RNF170: variants seen among roughly 807,000 people sequenced by gnomAD.
The protein encoded by RNF170 is E3 ubiquitin-protein ligase RNF170.
Under a neutral mutation model 32.7 loss-of-function variants are expected in RNF170, and 12 were observed. The observed-to-expected ratio is 0.37, with a 90% CI of 0.24 to 0.60. The LOEUF (loss-of-function observed/expected upper bound fraction) is 0.60, where lower values mean the gene tolerates loss of function less well. RNF170 is among the 20% of genes least tolerant of loss of function. RNF170 has a pLI of 0.72. For missense variants in RNF170, 212 were observed against 311.2 expected, an observed-to-expected ratio of 0.68 and a Z score of 2.40; for synonymous variants, 91 against 103.6, an observed-to-expected ratio of 0.88 and a Z score of 0.74.
At chr8:42,884,079 CT>C (rs1047532164) in intron 2 of RNF170, among the ~76,000 whole-genome samples, 15 of 151,210 alleles carry the variant, frequency 9.9e-5, no homozygotes, top group Admixed American at 5.3e-4. Flanking sequence ...AAATTTAATT[CT>C]TTTTTTTTCT....
chr8:42,850,087 G>GC (rs1802902822), downstream of RNF170: 1 of 153,996 alleles, frequency 6.5e-6, no homozygotes, highest in Admixed American at 6.5e-5. Flanking sequence ...CGGCGGAGGA[G>GC]CCTAGCAGTC....
chr8:42,854,814 G>A lies in RNF170; in HGVS notation c.*1345C>T. ...ACTAATGAGCAACGCCAGCTGAAGT[G>A]AGTAAGATCTCCCAGTACCATGTGG... On this transcript the variant is annotated 3_prime_UTR_variant, in exon 7 of 7. Coordinates refer to ENST00000527424, the MANE Select transcript of RNF170 (RefSeq NM_030954.4). 7.8e-7 allele frequency: 1 copy of A among 1,287,280 alleles called. No homozygotes were observed. Among genetic ancestry groups the A allele is most frequent in the South Asian group, 1.2e-5 (1 of 80,934 alleles). 79.7% of individuals were successfully genotyped at this position (1,287,280 alleles called of 1,614,324 possible).
rs759015786 is a variant in RNF170 at position 42,896,568 on chromosome 8, G to C, written c.-92C>G. 6.6e-6 allele frequency: 3 copies of C among 453,798 alleles called. No individual in the cohort carries two copies. The highest frequency in any genetic ancestry group is 3.1e-5 in the South Asian group (2 of 64,488). The allele number at this position is 453,798 out of a possible 1,614,324, so 28.1% of individuals were successfully genotyped here. ...AGGACCGCTCCCGCCACCCCTCCCG[G>C]GCAACCCACTAGACGTCCCCTTTCT... On this transcript the variant is annotated 5_prime_UTR_variant, in exon 1 of 7. Transcript: ENST00000527424.
chr8:42,862,004 T>A, intron 5 of RNF170, 149 bp from the exon 6 acceptor site: 2 of 787,060 alleles, frequency 2.5e-6, no homozygotes, highest in Admixed American at 3.1e-5. Flanking sequence ...GGGGAGTAAG[T>A]AACTGCTTTG....
intron 2 of RNF170, among the ~76,000 whole-genome samples, chr8:42,874,825 G>A (rs1804790540): frequency 6.6e-6 from 1 of 152,008 alleles, no homozygotes; most frequent in Non-Finnish European, 1.5e-5. Context: ...GTGAATCAAA[G>A]GCAAGCGGTT....
intron 2 of RNF170, among the ~76,000 whole-genome samples, chr8:42,875,403 T>C (rs1804848283): frequency 6.6e-6 from 1 of 152,166 alleles, no homozygotes. Flanking sequence ...TATCCGAATG[T>C]GATAGGGAAA....
chr8:42,855,626 A>C lies in RNF170; in HGVS notation c.*533T>G. The C allele has an allele frequency of 1.6e-6, 2 of 1,282,762 alleles. No homozygotes were observed. Among genetic ancestry groups the C allele is most frequent in the Non-Finnish European group, 1.0e-6 (1 of 984,470 alleles). The allele number at this position is 1,282,762 out of a possible 1,614,324, so 79.5% of individuals were successfully genotyped here. A position where few individuals can be genotyped will look rare whatever the true frequency, so the allele number is the denominator to read the frequency against. ...AGTTTCAGCTGATAGCAAATAATTA[A>C]TTATACCAGAATGAAAAGGCAGAAC... On this transcript the variant is annotated 3_prime_UTR_variant, in exon 7 of 7. Coordinates refer to ENST00000527424, the MANE Select transcript of RNF170 (RefSeq NM_030954.4).
At chr8:42,865,625 G>T in intron 4 of RNF170, 136 bp from the exon 5 acceptor site, 1 of 730,966 alleles carries the variant, frequency 1.4e-6, no homozygotes, top group Non-Finnish European at 2.4e-6. Context: ...ACTTCATCCA[G>T]CCAACCCTTC....
At chr8:42,894,735 T>G (rs142221283) in intron 1 of RNF170, among the ~76,000 whole-genome samples, 4,898 of 152,176 alleles carry the variant, frequency 0.032, 264 homozygotes, top group African/African-American at 0.11. Flanking sequence ...CGGCTAATTT[T>G]TGTATTTTTA....
intron 2 of RNF170, among the ~76,000 whole-genome samples, chr8:42,876,389 G>C (rs1804932886): frequency 6.6e-6 from 1 of 151,770 alleles, no homozygotes; most frequent in African/African-American, 2.4e-5. Flanking sequence ...CAAAACCTTT[G>C]GGAGGTAATT....
chr8:42,877,794 G>A (rs977025471), intron 2 of RNF170, among the ~76,000 whole-genome samples: 1 of 152,088 alleles, frequency 6.6e-6, no homozygotes, highest in Non-Finnish European at 1.5e-5. Flanking sequence ...CTCAAAATCA[G>A]AAACTATGTA....
upstream of RNF170, chr8:42,897,066 A>C: frequency 8.5e-7 from 1 of 1,181,102 alleles, no homozygotes; most frequent in Non-Finnish European, 1.1e-6. Context: ...GGGCCCCCGG[A>C]TCCCCCGACA....
intron 1 of RNF170, among the ~76,000 whole-genome samples, chr8:42,888,595 T>C (rs897814155): frequency 4.6e-5 from 7 of 151,700 alleles, no homozygotes; most frequent in Non-Finnish European, 2.9e-5. Flanking sequence ...AAACCCCGTC[T>C]CTACTAAAAA....
chr8:42,889,952 G>A (rs1469719126), intron 1 of RNF170, among the ~76,000 whole-genome samples: 7 of 152,118 alleles, frequency 4.6e-5, no homozygotes. Context: ...TAACCCAAAT[G>A]TTATCCCCTG....
Position 42,896,488 on chromosome 8 carries a change from C to G in RNF170, c.-12G>C, listed in dbSNP as rs1433094196. The G allele has an allele frequency of 8.8e-6, 4 of 453,862 alleles. No individual in the cohort carries two copies. Among genetic ancestry groups the G allele is most frequent in the African/African-American group, 8.0e-5 (4 of 49,982 alleles). The allele number at this position is 453,862 out of a possible 1,614,324, so 28.1% of individuals were successfully genotyped here. On this transcript the variant is annotated 5_prime_UTR_variant, in exon 1 of 7. Coordinates refer to ENST00000527424, the MANE Select transcript of RNF170 (RefSeq NM_030954.4). ...GCCGCCGCGCGCCGGACGTACCTCT[C>G]CACCGCGAAGGAACTACCTCGCCAG...
intron 4 of RNF170, among the ~76,000 whole-genome samples, chr8:42,868,123 G>A (rs1804256484): frequency 6.6e-6 from 1 of 152,162 alleles, no homozygotes; most frequent in Non-Finnish European, 1.5e-5. Context: ...TTTATACTTT[G>A]TTAGCTACTT....
chr8:42,858,812 G>A (rs150097893), intron 6 of RNF170, among the ~76,000 whole-genome samples: 2 of 152,284 alleles, frequency 1.3e-5, no homozygotes, highest in East Asian at 1.9e-4. Flanking sequence ...TGATTGAGGC[G>A]GTTAACAGAA....
chr8:42,862,241 AG>A, intron 5 of RNF170, among the ~76,000 whole-genome samples: 1 of 152,228 alleles, frequency 6.6e-6, no homozygotes, highest in East Asian at 1.9e-4. Context: ...TTTCTTTTTC[AG>A]TATTAAAATA....
At chr8:42,881,034 A>T (rs1279649653) in intron 2 of RNF170, among the ~76,000 whole-genome samples, 1 of 152,230 alleles carries the variant, frequency 6.6e-6, no homozygotes, top group Admixed American at 6.5e-5. Flanking sequence ...GGGAACCAAA[A>T]AATTCATATG....
Sources: gnomAD v4.1 joint callset for allele counts (sites outside exome capture counted in the v4.1 genomes callset) on GRCh38, gnomAD v4.1.1 for gene constraint, MANE v1.5 for transcripts, NCBI Gene and HGNC (gene_info 2026-07-23, HGNC 2026-07-21) for gene names.